Variants in AACS observed in about 807,000 individuals in gnomAD.
AACS encodes the protein acetoacetate-CoA ligase.
A neutral mutation model predicts 83.1 loss-of-function variants in AACS; 69 were observed. The ratio of observed to expected loss-of-function variants is 0.83; its 90% CI spans 0.68 to 1.01. The LOEUF (loss-of-function observed/expected upper bound fraction) is 1.01, where lower values mean the gene tolerates loss of function less well. AACS is among the 50% of genes least tolerant of loss of function. The pLI, the probability that AACS is intolerant of heterozygous loss-of-function variation, is 0.00. For synonymous variants in AACS, 333 were observed against 343.4 expected (o/e 0.97, Z 0.33); for missense variants, 866 against 882.2 (o/e 0.98, Z 0.23).
At chr12:125,068,168 G>C (rs1955756842) in intron 1 of AACS, among the ~76,000 whole-genome samples, 1 of 152,200 alleles carries the variant, frequency 6.6e-6, no homozygotes, top group East Asian at 1.9e-4. Context: ...TAAAAGTTAG[G>C]AGAGGGGGCT....
chr12:125,082,960 C>G (rs1274788307), intron 3 of AACS, among the ~76,000 whole-genome samples: 2 of 152,216 alleles, frequency 1.3e-5, no homozygotes, highest in Non-Finnish European at 2.9e-5. Flanking sequence ...AAATTATCTT[C>G]AAATCATTTT....
rs180914239 is a variant in AACS, at chr12:125,124,260, A to G, written c.1122-445A>G. ...CAGTGAGCTGTGATTGCACGACTGC[A>G]TTCCAGCTTGGGGCAACAGAAGGAG... On this transcript the variant is annotated intron_variant, in intron 10 of 17. Coordinates refer to ENST00000316519, the MANE Select transcript of AACS (RefSeq NM_023928.5). 5.7e-4 allele frequency: 92 copies of G among 161,892 alleles called. 1 individual carries two copies. In the East Asian group the frequency reaches 0.011, roughly 20 times the overall value. The allele number at this position is 161,892 out of a possible 1,614,324, so 10.0% of individuals were successfully genotyped here. A position where few individuals can be genotyped will look rare whatever the true frequency, so the allele number is the denominator to read the frequency against.
chr12:125,067,993 G>T (rs1955751282), intron 1 of AACS, among the ~76,000 whole-genome samples: 1 of 152,216 alleles, frequency 6.6e-6, no homozygotes, highest in Non-Finnish European at 1.5e-5. Flanking sequence ...GTCAAGCCCA[G>T]TGCTCAGCTC....
At chr12:125,071,192 A>G (rs1310344319) in intron 1 of AACS, among the ~76,000 whole-genome samples, 2 of 152,134 alleles carry the variant, frequency 1.3e-5, no homozygotes, top group Admixed American at 6.5e-5. Flanking sequence ...GGACTGCGTG[A>G]GCATCCTCAC....
At chr12:125,075,245 T>C (rs963335015) in intron 2 of AACS, among the ~76,000 whole-genome samples, 5 of 151,814 alleles carry the variant, frequency 3.3e-5, no homozygotes, top group African/African-American at 1.2e-4. Context: ...AGTGCTGGGA[T>C]TACAGGCATG....
chr12:125,128,027 T>C (rs1957272973), intron 12 of AACS, 134 bp from the exon 13 acceptor site: 2 of 580,940 alleles, frequency 3.4e-6, no homozygotes, highest in Non-Finnish European at 5.9e-6. Context: ...GCCCCACCTG[T>C]CTGGGATGTT....
At chr12:125,102,543 C>A in intron 5 of AACS, 136 bp from the exon 6 acceptor site, 1 of 746,124 alleles carries the variant, frequency 1.3e-6, no homozygotes, top group Non-Finnish European at 2.4e-6. Context: ...TAGCTCACTC[C>A]AACCTTGAAC....
At chr12:125,083,425 C>CT (rs141376443) in intron 3 of AACS, among the ~76,000 whole-genome samples, 21,310 of 152,178 alleles carry the variant, frequency 0.14, 1,865 homozygotes, top group East Asian at 0.24. Context: ...GCAGGAGTCA[C>CT]TGGGGGGCCA....
At chr12:125,132,942 A>G (rs142299008) in intron 14 of AACS, among the ~76,000 whole-genome samples, 170 of 152,200 alleles carry the variant, frequency 1.1e-3, no homozygotes, top group African/African-American at 3.8e-3. Context: ...GTGTCTCGAG[A>G]TTTGGGAGGG....
At chr12:125,107,389 C>G (rs542969038) in intron 8 of AACS, 121 bp downstream of exon 8, 6 of 1,313,490 alleles carry the variant, frequency 4.6e-6, no homozygotes, top group Non-Finnish European at 6.2e-6. Flanking sequence ...GAGAGTCCAA[C>G]GTGCAGCTTC....
At chr12:125,122,479 C>G (rs1957168700) in intron 10 of AACS, 1 of 151,750 alleles carries the variant, frequency 6.6e-6, no homozygotes. Flanking sequence ...ACTAAAAATA[C>G]AAAAAATACA....
At chr12:125,127,275 G>A (rs920372993) in intron 12 of AACS, 1 of 152,232 alleles carries the variant, frequency 6.6e-6, no homozygotes, top group African/African-American at 2.4e-5. Flanking sequence ...AGGAGGTCAG[G>A]AGCCCTGCTC....
At position 125,097,064 on chromosome 12, in the gene AACS, G is replaced by A. The variant is rs970527420; in HGVS notation, c.570+5541G>A. 6.6e-6 allele frequency among the ~76,000 whole-genome samples: 1 copy of A among 152,118 alleles called. No homozygotes were observed. The highest frequency in any genetic ancestry group is 6.5e-5 in the Admixed American group (1 of 15,282). ...TTCTTCTGATGGATTTGGGCAGGGT[G>A]TATGTTAGCATCAGACGCAAGGAGG... is the stretch of plus-strand genomic sequence containing the variant. On this transcript the variant is annotated intron_variant, in intron 5 of 17. Coordinates refer to ENST00000316519, the MANE Select transcript of AACS (RefSeq NM_023928.5). The surrounding 1 kb of genome is among the most constrained non-coding windows in gnomAD (Gnocchi z 4.3).
chr12:125,090,841 T>A (rs912307245), intron 4 of AACS, among the ~76,000 whole-genome samples: 17 of 152,256 alleles, frequency 1.1e-4, no homozygotes, highest in Non-Finnish European at 2.4e-4. Context: ...CCAGCCCTCA[T>A]GTGAGAACCA....
At chr12:125,119,276 C>T (rs148688169) in intron 10 of AACS, among the ~76,000 whole-genome samples, 79 of 152,290 alleles carry the variant, frequency 5.2e-4, no homozygotes, top group African/African-American at 1.8e-3. Context: ...GCGTTGTCAG[C>T]TGCAGTCATC....
At chr12:125,107,396 C>A in intron 8 of AACS, 128 bp downstream of exon 8, 1 of 1,278,566 alleles carries the variant, frequency 7.8e-7, no homozygotes, top group Non-Finnish European at 1.1e-6. Context: ...CAACGTGCAG[C>A]TTCTCTCCAA....
chr12:125,098,054 A>G (rs534447190), intron 5 of AACS, among the ~76,000 whole-genome samples: 1 of 151,574 alleles, frequency 6.6e-6, no homozygotes, highest in Non-Finnish European at 1.5e-5. Context: ...TTTAACTTTC[A>G]TCACCTTTCT....
chr12:125,077,731 T>G (rs1003050455), intron 3 of AACS, among the ~76,000 whole-genome samples: 1 of 151,960 alleles, frequency 6.6e-6, no homozygotes, highest in Non-Finnish European at 1.5e-5. Context: ...TTTTTTTTTT[T>G]GAGATAGAAT....
chr12:125,114,675 GCTTCCCC>G (rs1957018825), intron 9 of AACS, 118 bp downstream of exon 9: 1 of 666,538 alleles, frequency 1.5e-6, no homozygotes, highest in Non-Finnish European at 2.3e-6. Context: ...CATGGTAAGG[GCTTCCCC>G]AGGTGCTGGC....
Sources: gnomAD v4.1 joint callset for allele counts (sites outside exome capture counted in the v4.1 genomes callset) on GRCh38, gnomAD v4.1.1 for gene constraint, Gnocchi (gnomAD v3.1) non-coding constraint, MANE v1.5 for transcripts, NCBI Gene and HGNC (gene_info 2026-07-23, HGNC 2026-07-21) for gene names.